The following GPC5 variants were observed in gnomAD, a reference collection of about 807,000 sequenced individuals.
The protein encoded by GPC5 is glypican 5.
GPC5 carries 47 observed loss-of-function variants against 53.9 expected under a neutral mutation model. The observed-to-expected ratio is 0.87, with a 90% CI of 0.69 to 1.11. The LOEUF (loss-of-function observed/expected upper bound fraction) is 1.11, where lower values mean the gene tolerates loss of function less well. Ranked by LOEUF, GPC5 falls within the 50% of genes most tolerant of loss-of-function variation. The probability of loss-of-function intolerance (pLI) is 0.00; values close to 1 mark genes in which losing one functional copy is unlikely to be tolerated. For synonymous variants in GPC5, 286 were observed against 263.3 expected, an observed-to-expected ratio of 1.09 and a Z score of -0.84; for missense variants, 748 against 713.1, an observed-to-expected ratio of 1.05 and a Z score of -0.56.
chr13:92,319,711 A>G (rs1225589570), intron 7 of GPC5, among the ~76,000 whole-genome samples: 2 of 152,156 alleles, frequency 1.3e-5, no homozygotes, highest in African/African-American at 4.8e-5. Context: ...GATGAAGCAT[A>G]CACATTTGTC....
intron 7 of GPC5, among the ~76,000 whole-genome samples, chr13:92,603,855 T>C (rs1313171256): frequency 6.6e-6 from 1 of 152,174 alleles, no homozygotes; most frequent in Non-Finnish European, 1.5e-5. Context: ...TCATGAGTTC[T>C]GGATGGCAGG....
intron 5 of GPC5, among the ~76,000 whole-genome samples, chr13:91,831,655 A>T (rs1198348701): frequency 6.6e-6 from 1 of 151,640 alleles, no homozygotes; most frequent in Non-Finnish European, 1.5e-5. Context: ...TGACTAATAT[A>T]TCATTAATCC....
intron 7 of GPC5, among the ~76,000 whole-genome samples, chr13:92,658,170 C>G (rs2139179094): frequency 6.6e-6 from 1 of 151,982 alleles, no homozygotes; most frequent in East Asian, 1.9e-4. Context: ...GAAAAATATC[C>G]CAATATTCAT....
intron 5 of GPC5, among the ~76,000 whole-genome samples, chr13:91,810,306 T>C (rs2038289875): frequency 1.3e-5 from 2 of 152,000 alleles, no homozygotes; most frequent in Admixed American, 6.6e-5. Context: ...AGTTGTATTA[T>C]TTAATGCTTC....
chr13:91,883,492 C>T (rs1246230181), intron 5 of GPC5, among the ~76,000 whole-genome samples: 2 of 152,116 alleles, frequency 1.3e-5, no homozygotes, highest in Non-Finnish European at 2.9e-5. Flanking sequence ...TGAGGAGAGA[C>T]TTGAAGGAAA....
At chr13:92,064,590 T>C (rs2041150874) in intron 6 of GPC5, among the ~76,000 whole-genome samples, 1 of 151,836 alleles carries the variant, frequency 6.6e-6, no homozygotes, top group Non-Finnish European at 1.5e-5. Context: ...ACCCCATCTC[T>C]ACTAAAAATA....
At position 91,983,244 on chromosome 13, in the gene GPC5, G is replaced by T. The variant is rs986634052; in HGVS notation, c.1401+75187G>T. On this transcript the variant is annotated intron_variant, in intron 6 of 7. Coordinates refer to ENST00000377067, the MANE Select transcript of GPC5 (RefSeq NM_004466.6). ...GCCTGTAGTCCCAGCTACTTGGGAG[G>T]CTGAGGCAGGAGAATGGCGAGAACC... 5.3e-5 allele frequency among the ~76,000 whole-genome samples: 8 copies of T among 152,180 alleles called. No homozygotes were observed. In the East Asian group the frequency reaches 1.6e-3, roughly 30 times the overall value.
chr13:91,693,457 G>A lies in GPC5; in HGVS notation c.596G>A (p.Arg199Gln), dbSNP rs771309970. The change falls in exon 3 of 8, where the codon CGG becomes CAG. Residue 199 changes from arginine (R) to glutamine (Q), a missense_variant. By Grantham distance (43) the Arg-to-Gln change is conservative. Transcript: ENST00000377067. Reference sequence around the variant, plus strand: ...TCAGAATGCATCCGGATGGCTCGCCGGGATGTGAGTCCATTTGGTAATATT... The same window carrying A: ...TCAGAATGCATCCGGATGGCTCGCCAGGATGTGAGTCCATTTGGTAATATT... The part of the protein sequence containing the change: ...EYSECIRMAR[R>Q]DVSPFGNIPQ... 1.1e-5 allele frequency: 17 copies of A among 1,613,948 alleles called. No homozygotes were observed. The highest frequency in any genetic ancestry group is 8.9e-5 in the East Asian group (4 of 44,868).
intron 7 of GPC5, among the ~76,000 whole-genome samples, chr13:92,296,061 T>G (rs1238987127): frequency 6.6e-6 from 1 of 152,190 alleles, no homozygotes; most frequent in East Asian, 1.9e-4. Context: ...ATATGTCCTG[T>G]GAGATTCATG....
intron 6 of GPC5, among the ~76,000 whole-genome samples, chr13:92,013,897 T>A (rs2040683896): frequency 6.6e-6 from 1 of 152,176 alleles, no homozygotes; most frequent in Admixed American, 6.5e-5. Context: ...AATTAAAACA[T>A]GATATATGTA....
At chr13:92,573,453 A>T (rs1418717262) in intron 7 of GPC5, among the ~76,000 whole-genome samples, 2 of 152,180 alleles carry the variant, frequency 1.3e-5, no homozygotes, top group Non-Finnish European at 2.9e-5. Context: ...ATTTTCAATT[A>T]TACAATGTTT....
At chr13:92,124,644 CAG>C (rs987512637) in intron 6 of GPC5, among the ~76,000 whole-genome samples, 1 of 152,138 alleles carries the variant, frequency 6.6e-6, no homozygotes, top group Non-Finnish European at 1.5e-5. Flanking sequence ...TCTGCATACA[CAG>C]AGAGCATCTC....
At chr13:91,650,772 T>TTTTA (rs2034687788) in intron 2 of GPC5, among the ~76,000 whole-genome samples, 1 of 127,004 alleles carries the variant, frequency 7.9e-6, no homozygotes, top group African/African-American at 2.8e-5. Context: ...TTTTTTTTTT[T>TTTTA]AGCACAGAAG....
chr13:92,328,975 C>G (rs2043270783), intron 7 of GPC5, among the ~76,000 whole-genome samples: 1 of 152,106 alleles, frequency 6.6e-6, no homozygotes, highest in South Asian at 2.1e-4. Flanking sequence ...CATGCAACTC[C>G]TGATTTGCTC....
In GPC5 at chr13:92,293,180, A is replaced by AT. The variant is rs575381806; in HGVS notation, c.1561+148200dup. 7.8e-3 allele frequency among the ~76,000 whole-genome samples: 1,168 copies of AT among 149,202 alleles called. 16 individuals carry two copies. The highest frequency in any genetic ancestry group is 0.027 in the African/African-American group (1,113 of 40,620). On this transcript the variant is annotated intron_variant, in intron 7 of 7. Transcript: ENST00000377067. ...TCTTCAGTTCCATATGAATTTTAGA[A>AT]TTTTTTTTTCTAATTCTTGAAGAAT...
At chr13:92,450,131 C>A (rs1020140224) in intron 7 of GPC5, among the ~76,000 whole-genome samples, 2 of 151,912 alleles carry the variant, frequency 1.3e-5, no homozygotes, top group African/African-American at 4.8e-5. Flanking sequence ...TTACAATGAA[C>A]CTTGAAAGAC....
chr13:92,332,921 G>C (rs1021209093), intron 7 of GPC5, among the ~76,000 whole-genome samples: 1 of 152,120 alleles, frequency 6.6e-6, no homozygotes, highest in Non-Finnish European at 1.5e-5. Context: ...ACAGCAAAAA[G>C]TGAAATGACT....
chr13:91,647,121 T>C (rs2034579865), intron 2 of GPC5, among the ~76,000 whole-genome samples: 1 of 150,580 alleles, frequency 6.6e-6, no homozygotes, highest in Non-Finnish European at 1.5e-5. Context: ...GTGAAATACA[T>C]ACCTATGGCA....
At chr13:91,446,756 GAAC>G (rs1443670646) in intron 1 of GPC5, among the ~76,000 whole-genome samples, 1 of 152,138 alleles carries the variant, frequency 6.6e-6, no homozygotes, top group Non-Finnish European at 1.5e-5. Context: ...GTAACTTAGG[GAAC>G]ACATTTCCTG....
Sources: allele counts gnomAD v4.1 joint callset (sites outside exome capture counted in the v4.1 genomes callset), GRCh38; gene constraint gnomAD v4.1.1; transcripts MANE v1.5; gene names NCBI Gene and HGNC (gene_info 2026-07-23, HGNC 2026-07-21).